RBFOX1: variants seen among roughly 807,000 people sequenced by gnomAD.
RBFOX1 encodes RNA binding fox-1 homolog 1, also known as RNA binding protein fox-1 homolog 1.
RBFOX1 carries 8 observed loss-of-function variants against 57.7 expected under a neutral mutation model. The observed-to-expected ratio is 0.14, with a 90% CI of 0.08 to 0.25. The LOEUF is 0.25. Among genes scored for constraint, RBFOX1 ranks in the 10% least tolerant of loss-of-function variants. The pLI, the probability that RBFOX1 is intolerant of heterozygous loss-of-function variation, is 1.00. For missense variants in RBFOX1, 611 were observed against 548.5 expected (o/e 1.11, Z -1.14); for synonymous variants, 326 against 222.4 (o/e 1.47, Z -4.15).
At chr16:6,470,459 C>T (rs768933360) in intron 2 of RBFOX1, among the ~76,000 whole-genome samples, 18 of 152,204 alleles carry the variant, frequency 1.2e-4, no homozygotes, top group Non-Finnish European at 2.2e-4. Flanking sequence ...ACTGCATTCT[C>T]CTATGTTGGC....
At chr16:7,675,888 C>G (rs976646100) in intron 13 of RBFOX1, among the ~76,000 whole-genome samples, 10 of 152,186 alleles carry the variant, frequency 6.6e-5, no homozygotes, top group Admixed American at 1.3e-4. Flanking sequence ...TCATTGTACA[C>G]TGGTTGATGT....
chr16:5,549,323 C>G (rs995274975), intron 2 of RBFOX1, among the ~76,000 whole-genome samples: 1 of 152,216 alleles, frequency 6.6e-6, no homozygotes, highest in Admixed American at 6.5e-5. Context: ...ACTTTGCTTT[C>G]TCTCCTGGGT....
intron 3 of RBFOX1, among the ~76,000 whole-genome samples, chr16:5,837,236 C>A (rs571195902): frequency 6.6e-6 from 1 of 151,552 alleles, no homozygotes; most frequent in Admixed American, 6.6e-5. Flanking sequence ...ATTCCAGTCC[C>A]GCTAGACTTT....
intron 1 of RBFOX1, among the ~76,000 whole-genome samples, chr16:6,186,345 G>C (rs955207192): frequency 1.3e-5 from 2 of 152,088 alleles, no homozygotes; most frequent in African/African-American, 4.8e-5. Flanking sequence ...AAGAAGGAGA[G>C]GTTATGAATT....
chr16:7,660,645 G>A (rs1019356901), intron 12 of RBFOX1, among the ~76,000 whole-genome samples: 2 of 152,200 alleles, frequency 1.3e-5, no homozygotes, highest in African/African-American at 4.8e-5. Context: ...ACACTTGGAG[G>A]ATGGTGTTGC....
chr16:6,861,823 G>GTTTT (rs35138717), intron 3 of RBFOX1, among the ~76,000 whole-genome samples: 1,692 of 92,320 alleles, frequency 0.018, 13 homozygotes, highest in African/African-American at 0.058. Flanking sequence ...GCGTCCCTTG[G>GTTTT]TTTTTTTTTT....
At chr16:7,183,711 G>C (rs576281918) in intron 4 of RBFOX1, among the ~76,000 whole-genome samples, 4 of 152,284 alleles carry the variant, frequency 2.6e-5, no homozygotes, top group East Asian at 1.9e-4. Context: ...GACTCACACT[G>C]AACACAAGCT....
chr16:6,608,134 A>T (rs1046224996), intron 2 of RBFOX1, among the ~76,000 whole-genome samples: 11 of 152,236 alleles, frequency 7.2e-5, no homozygotes, highest in Non-Finnish European at 1.0e-4. Flanking sequence ...ATACTATTTC[A>T]TTGATTACTC....
At chr16:6,065,545 T>A (rs1455919012) in intron 1 of RBFOX1, among the ~76,000 whole-genome samples, 2 of 152,214 alleles carry the variant, frequency 1.3e-5, no homozygotes, top group South Asian at 2.1e-4. Flanking sequence ...TACTTTGACA[T>A]GCCCGTAACC....
chr16:7,165,579 A>G (rs965659817), intron 4 of RBFOX1, among the ~76,000 whole-genome samples: 24 of 151,434 alleles, frequency 1.6e-4, no homozygotes, highest in Non-Finnish European at 2.2e-4. Flanking sequence ...ACGGGCATGC[A>G]CCACCACGCC....
chr16:7,481,968 C>G (rs180984321), intron 4 of RBFOX1, among the ~76,000 whole-genome samples: 1 of 152,108 alleles, frequency 6.6e-6, no homozygotes, highest in African/African-American at 2.4e-5. Context: ...TATGAGAACG[C>G]GAGATACGGT....
intron 1 of RBFOX1, among the ~76,000 whole-genome samples, chr16:5,395,169 C>A (rs1017227191): frequency 1.2e-4 from 18 of 152,318 alleles, no homozygotes; most frequent in Admixed American, 2.0e-4. Context: ...CATCCCAGAG[C>A]ACTGCACTTT....
chr16:6,753,243 T>G (rs904951064), intron 3 of RBFOX1, among the ~76,000 whole-genome samples: 2 of 152,208 alleles, frequency 1.3e-5, no homozygotes, highest in Non-Finnish European at 1.5e-5. Flanking sequence ...AAAGCAAGTA[T>G]AGTAAAATGC....
At chr16:5,624,615 G>A (rs567203766) in intron 3 of RBFOX1, among the ~76,000 whole-genome samples, 1 of 152,258 alleles carries the variant, frequency 6.6e-6, no homozygotes, top group Non-Finnish European at 1.5e-5. Flanking sequence ...GAGGCACAAG[G>A]ACAGTGTCTG....
At chr16:7,642,845 G>C (rs1229566239) in intron 11 of RBFOX1, among the ~76,000 whole-genome samples, 3 of 152,120 alleles carry the variant, frequency 2.0e-5, no homozygotes, top group Admixed American at 1.3e-4. Flanking sequence ...AAGCACCTTT[G>C]CAAATGCCTT....
intron 1 of RBFOX1, among the ~76,000 whole-genome samples, chr16:5,460,354 A>G (rs546176972): frequency 1.8e-4 from 28 of 152,226 alleles, no homozygotes; most frequent in African/African-American, 6.3e-4. Flanking sequence ...TAATTCTTGT[A>G]TAATGGGATG....
At chr16:7,322,579 C>T (rs2096559885) in intron 4 of RBFOX1, among the ~76,000 whole-genome samples, 1 of 152,176 alleles carries the variant, frequency 6.6e-6, no homozygotes, top group Non-Finnish European at 1.5e-5. Context: ...CAAGAGCCAT[C>T]AACTCTCTAC....
chr16:5,598,239 A>C (rs2047252482), intron 2 of RBFOX1, among the ~76,000 whole-genome samples: 1 of 151,856 alleles, frequency 6.6e-6, no homozygotes, highest in Admixed American at 6.6e-5. Context: ...AAAAAAAATA[A>C]ATAAAAAAAG....
chr16:6,783,092 T>A (rs1234150558), intron 3 of RBFOX1, among the ~76,000 whole-genome samples: 2 of 152,112 alleles, frequency 1.3e-5, no homozygotes, highest in Non-Finnish European at 2.9e-5. Flanking sequence ...GCATATCTTT[T>A]TCTGTTCTTT....
Sources: gnomAD v4.1 joint callset for allele counts (sites outside exome capture counted in the v4.1 genomes callset) on GRCh38, gnomAD v4.1.1 for gene constraint, MANE v1.5 for transcripts, NCBI Gene and HGNC (gene_info 2026-07-23, HGNC 2026-07-21) for gene names.